Variants in ATXN7 observed in about 807,000 individuals in gnomAD.
ATXN7 encodes ataxin-7.
ATXN7 carries 12 observed loss-of-function variants against 70.5 expected under a neutral mutation model. The observed-to-expected ratio is 0.17, with a 90% CI of 0.11 to 0.28. ATXN7 has a LOEUF of 0.28. ATXN7 is among the 10% of genes least tolerant of loss of function. The probability of loss-of-function intolerance (pLI) is 1.00; values close to 1 mark genes in which losing one functional copy is unlikely to be tolerated. For missense variants in ATXN7, 1,256 were observed against 1,131.7 expected (o/e 1.11, Z -1.58); for synonymous variants, 498 against 448.7 (o/e 1.11, Z -1.39).
Position 64,002,982 on chromosome 3 carries a change from G to C in ATXN7, c.*3515G>C, listed in dbSNP as rs2075850567. 2 of 152,058 alleles carry C rather than the reference G, an allele frequency of 1.3e-5. No homozygotes were observed. Among genetic ancestry groups the C allele is most frequent in the African/African-American group, 2.4e-5 (1 of 41,402 alleles). 9.4% of individuals were successfully genotyped at this position (152,058 alleles called of 1,614,324 possible). A position where few individuals can be genotyped will look rare whatever the true frequency, so the allele number is the denominator to read the frequency against. On this transcript the variant is annotated 3_prime_UTR_variant, in exon 13 of 13. Transcript: ENST00000674280. The stretch of plus-strand genomic sequence containing the variant: ...AATTTGAAAAATGTAACTTATAAGG[G>C]CAGCTGTCTTCCTGCAAGAGTTCTG...
chr3:63,883,473 G>T (rs894431922), intron 1 of ATXN7, among the ~76,000 whole-genome samples: 23 of 152,082 alleles, frequency 1.5e-4, no homozygotes, highest in South Asian at 6.2e-4. Flanking sequence ...CTTCCCACTA[G>T]GTACCCCTGC....
In ATXN7 at chr3:64,002,619, T is replaced by A. The variant is rs1449258532; in HGVS notation, c.*3152T>A. ...AAACTAGTTTTAAGCTTAGACAGAATCTCTTTAAAAAGACTTGAATGTTCA... is the reference window on the plus strand; with the variant it reads ...AAACTAGTTTTAAGCTTAGACAGAAACTCTTTAAAAAGACTTGAATGTTCA... On this transcript the variant is annotated 3_prime_UTR_variant, in exon 13 of 13. Coordinates refer to ENST00000674280, the MANE Select transcript of ATXN7 (RefSeq NM_001377405.1). The A allele has an allele frequency of 6.6e-5, 10 of 152,186 alleles. No homozygotes were observed. Among genetic ancestry groups the A allele is most frequent in the Admixed American group, 3.9e-4 (6 of 15,270 alleles). The allele number at this position is 152,186 out of a possible 1,614,324, so 9.4% of individuals were successfully genotyped here. A position where few individuals can be genotyped will look rare whatever the true frequency, so the allele number is the denominator to read the frequency against.
chr3:63,975,612 C>G (rs1291403089), intron 5 of ATXN7, among the ~76,000 whole-genome samples: 5 of 152,088 alleles, frequency 3.3e-5, no homozygotes, highest in Non-Finnish European at 7.4e-5. Flanking sequence ...ATAAAAAGAT[C>G]TAATTATTTG....
At chr3:63,887,679 A>G (rs930105229) in intron 1 of ATXN7, among the ~76,000 whole-genome samples, 1 of 152,024 alleles carries the variant, frequency 6.6e-6, no homozygotes, top group Non-Finnish European at 1.5e-5. Flanking sequence ...TCAACCTCCC[A>G]GGCTCAAGTG....
intron 5 of ATXN7, among the ~76,000 whole-genome samples, chr3:63,953,992 C>A (rs1432077239): frequency 1.3e-5 from 2 of 152,154 alleles, no homozygotes; most frequent in Non-Finnish European, 2.9e-5. Context: ...GCTGTCGAGA[C>A]TGCTGTTGTT....
chr3:63,923,995 A>G (rs575358450), intron 4 of ATXN7, among the ~76,000 whole-genome samples: 3 of 152,316 alleles, frequency 2.0e-5, no homozygotes, highest in East Asian at 1.9e-4. Context: ...GATCTAATTC[A>G]TGTTAAGATC....
At chr3:63,919,853 A>G (rs1035609902) in intron 4 of ATXN7, among the ~76,000 whole-genome samples, 1 of 148,686 alleles carries the variant, frequency 6.7e-6, no homozygotes, top group Non-Finnish European at 1.5e-5. Flanking sequence ...TTATTGCCCC[A>G]GCTTCCAAGA....
intron 2 of ATXN7, among the ~76,000 whole-genome samples, chr3:63,902,823 ATTAGT>A (rs1273879835): frequency 2.0e-5 from 3 of 152,130 alleles, no homozygotes; most frequent in African/African-American, 7.2e-5. Flanking sequence ...AAGTTTCAAT[ATTAGT>A]TTAGAGTTTC....
intron 4 of ATXN7, among the ~76,000 whole-genome samples, chr3:63,937,085 C>T (rs944688104): frequency 1.3e-5 from 2 of 152,188 alleles, no homozygotes; most frequent in Non-Finnish European, 2.9e-5. Context: ...TGTTCAGTTG[C>T]ATAGGCAGGC....
chr3:63,935,031 A>G (rs1188120266), intron 4 of ATXN7, among the ~76,000 whole-genome samples: 1 of 152,136 alleles, frequency 6.6e-6, no homozygotes, highest in Non-Finnish European at 1.5e-5. Flanking sequence ...CACAACTTTA[A>G]TATATAGAAA....
chr3:63,875,707 T>C (rs1702730015), intron 1 of ATXN7, among the ~76,000 whole-genome samples: 1 of 152,212 alleles, frequency 6.6e-6, no homozygotes, highest in Admixed American at 6.5e-5. Flanking sequence ...TTCTTTTATA[T>C]GGTCCTGGCT....
At chr3:63,942,259 T>A (rs1040573109) in intron 4 of ATXN7, among the ~76,000 whole-genome samples, 1 of 152,104 alleles carries the variant, frequency 6.6e-6, no homozygotes, top group African/African-American at 2.4e-5. Flanking sequence ...TACTTTGGAG[T>A]AGCCTACCTT....
At chr3:63,865,894 CAAAAAAAAAAA>C (rs34205947) in intron 1 of ATXN7, among the ~76,000 whole-genome samples, 276 of 16,546 alleles carry the variant, frequency 0.017, 3 homozygotes, top group African/African-American at 0.034. Flanking sequence ...GACTCCATCT[CAAAAAAAAAAA>C]AAAAAAAAAA....
intron 8 of ATXN7, 83 bp from the exon 9 acceptor site, chr3:63,987,976 A>T (rs2075606752): frequency 6.6e-7 from 1 of 1,515,394 alleles, no homozygotes; most frequent in Non-Finnish European, 9.0e-7. Flanking sequence ...TTGCTTATTT[A>T]TTGGGAGTGG....
chr3:63,995,548 C>T lies in ATXN7; in HGVS notation c.1726C>T (p.Arg576Cys), dbSNP rs544457663. ...VPSTTSPIST[R>C]IPHRTNSVPT... Reference sequence around the variant, plus strand: ...CAGTACCACCTCACCCATCTCCACACGTATTCCTCACCGGACAAACTCTGT... The same window carrying T: ...CAGTACCACCTCACCCATCTCCACATGTATTCCTCACCGGACAAACTCTGT... The change falls in exon 12 of 13, where the codon CGT (arginine) becomes TGT (cysteine). Residue 576 changes from arginine to cysteine, a missense_variant. Physicochemically the swap from Arg to Cys is radical, Grantham distance 180. Coordinates refer to ENST00000674280, the MANE Select transcript of ATXN7 (RefSeq NM_001377405.1). 38 of 1,614,166 alleles carry T rather than the reference C, an allele frequency of 2.4e-5. 1 individual carries two copies. The South Asian group carries it at 3.6e-4, about 15-fold the overall frequency.
intron 2 of ATXN7, among the ~76,000 whole-genome samples, chr3:63,902,384 G>A (rs1299465595): frequency 6.6e-6 from 1 of 152,094 alleles, no homozygotes; most frequent in African/African-American, 2.4e-5. Flanking sequence ...GATTGCACTT[G>A]AGCCTGGGCA....
intron 2 of ATXN7, among the ~76,000 whole-genome samples, chr3:63,909,044 T>TG (rs1189434766): frequency 6.6e-6 from 1 of 152,184 alleles, no homozygotes; most frequent in Non-Finnish European, 1.5e-5. Context: ...ATTACTATCT[T>TG]GTGTTCACCC....
At chr3:63,863,719 G>A (rs571414424), upstream of ATXN7, 2,202 of 1,249,200 alleles carry the variant, frequency 1.8e-3, 28 homozygotes, top group African/African-American at 0.023. Context: ...GGGTCTCAGG[G>A]GAGGCCCAGC....
chr3:63,922,540 G>GT lies in ATXN7; in HGVS notation c.394+9320dup, dbSNP rs544475807. ...GCTTCTTTATGCTGCTGCTTGTAAT[G>GT]TTTTTCAAACCCCCTTTTTTCTGGG... On this transcript the variant is annotated intron_variant, in intron 4 of 12. Transcript: ENST00000674280. Among the ~76,000 whole-genome samples, 304 of 152,196 alleles carry GT rather than the reference G, an allele frequency of 2.0e-3. 1 individual carries two copies. Among genetic ancestry groups the GT allele is most frequent in the African/African-American group, 7.0e-3 (290 of 41,536 alleles).
Sources: gnomAD v4.1 joint callset for allele counts (sites outside exome capture counted in the v4.1 genomes callset) on GRCh38, gnomAD v4.1.1 for gene constraint, MANE v1.5 for transcripts, NCBI Gene and HGNC (gene_info 2026-07-23, HGNC 2026-07-21) for gene names.